The following OTULINL variants were observed in gnomAD, a reference collection of about 807,000 sequenced individuals.
OTULINL encodes the protein inactive ubiquitin thioesterase OTULINL.
Under a neutral mutation model 43.9 loss-of-function variants are expected in OTULINL, and 42 were observed. The observed-to-expected ratio is 0.96, with a 90% confidence interval of 0.75 to 1.24. The LOEUF is 1.24. OTULINL is among the 50% of genes most tolerant of loss of function. OTULINL has a pLI of 0.00. For synonymous variants in OTULINL, 172 were observed against 153.6 expected, an observed-to-expected ratio of 1.12 and a Z score of -0.88; for missense variants, 411 against 426.4, an observed-to-expected ratio of 0.96 and a Z score of 0.32.
At chr5:14,607,882 T>C (rs893976270) in intron 6 of OTULINL, among the ~76,000 whole-genome samples, 6 of 152,220 alleles carry the variant, frequency 3.9e-5, no homozygotes, top group African/African-American at 1.2e-4. Context: ...TTTTGGATGA[T>C]TGAAATGAAT....
intron 6 of OTULINL, among the ~76,000 whole-genome samples, chr5:14,608,114 C>T (rs1759512965): frequency 6.6e-6 from 1 of 152,204 alleles, no homozygotes; most frequent in Non-Finnish European, 1.5e-5. Context: ...CCCATCCATC[C>T]TAAGCAGTTT....
At position 14,608,939 on chromosome 5, in the gene OTULINL, C is replaced by T. The variant is rs1759526783; in HGVS notation, c.819C>T (p.Ser273=). Residue 273 remains serine, a synonymous_variant, in exon 7 of 8, where the codon TCC becomes TCT. Transcript: ENST00000274217. The part of the protein sequence containing the change: ...VIPSLFRLLF[S]RETSSDPLSF... Reference sequence around the variant, plus strand: ...CCAGTCTTTTTAGACTCCTGTTTTCCAGGGAGACATCCTCTGATCCTTTGA... The same window carrying T: ...CCAGTCTTTTTAGACTCCTGTTTTCTAGGGAGACATCCTCTGATCCTTTGA... 1 of 1,614,106 alleles carries T rather than the reference C, an allele frequency of 6.2e-7. No homozygotes were observed. The highest frequency in any genetic ancestry group is 8.5e-7 in the Non-Finnish European group (1 of 1,180,008).
chr5:14,604,290 C>T (rs893469916), intron 5 of OTULINL, among the ~76,000 whole-genome samples: 3 of 152,128 alleles, frequency 2.0e-5, no homozygotes, highest in Non-Finnish European at 4.4e-5. Flanking sequence ...GCTATGATTG[C>T]ACCACTGTAC....
At chr5:14,584,251 G>T (rs1759067211) in intron 1 of OTULINL, among the ~76,000 whole-genome samples, 1 of 152,132 alleles carries the variant, frequency 6.6e-6, no homozygotes, top group Non-Finnish European at 1.5e-5. Context: ...GCTCAGCTCT[G>T]CTGTGGTTCT....
intron 1 of OTULINL, among the ~76,000 whole-genome samples, chr5:14,583,755 G>T (rs1177698715): frequency 6.6e-6 from 1 of 152,154 alleles, no homozygotes; most frequent in Non-Finnish European, 1.5e-5. Flanking sequence ...TGCCAGTGGT[G>T]TTTGGCAAAA....
In OTULINL at chr5:14,614,424, A is replaced by G. The variant is rs1400470087; in HGVS notation, c.*4110A>G. The G allele has an allele frequency of 7.6e-6, 3 of 396,024 alleles. No homozygotes were observed. Among genetic ancestry groups the G allele is most frequent in the African/African-American group, 4.1e-5 (2 of 48,606 alleles). The allele number at this position is 396,024 out of a possible 1,614,324, so 24.5% of individuals were successfully genotyped here. ...CACAATGTCCATTTTACAGCTAGAC[A>G]CAAAATTTAGTGGGTCCAAATTGTT... On this transcript the variant is annotated 3_prime_UTR_variant, in exon 8 of 8. Transcript: ENST00000274217.
chr5:14,596,745 C>G (rs1759294747), intron 1 of OTULINL, among the ~76,000 whole-genome samples: 1 of 152,058 alleles, frequency 6.6e-6, no homozygotes, highest in South Asian at 2.1e-4. Flanking sequence ...AAGTTTATTC[C>G]TGCAGTTCTG....
intron 1 of OTULINL, among the ~76,000 whole-genome samples, chr5:14,590,235 C>G (rs765849938): frequency 9.9e-5 from 15 of 152,140 alleles, no homozygotes; most frequent in Non-Finnish European, 8.8e-5. Flanking sequence ...TGCTATTACT[C>G]TACAGCAGGA....
chr5:14,602,241 A>G lies in OTULINL; in HGVS notation c.407A>G (p.Asp136Gly), dbSNP rs2126781117. The part of the protein sequence containing the change: ...HIKCVRQVRR[D>G]NYDALRSVLF... ...AAATGTGTTCGACAAGTAAGGAGAG[A>G]TAACTATGATGCTCTCAGATCAGTG... Residue 136 changes from aspartate to glycine, a missense_variant, in exon 5 of 8, where the codon GAT becomes GGT. By Grantham distance (94) the Asp-to-Gly change is moderately conservative (BLOSUM62 -1). Transcript: ENST00000274217. 8 of 1,613,606 alleles carry G rather than the reference A, an allele frequency of 5.0e-6. No individual in the cohort carries two copies. The East Asian group carries it at 1.6e-4, about 31-fold the overall frequency.
chr5:14,594,968 T>C (rs1290066056), intron 1 of OTULINL, among the ~76,000 whole-genome samples: 1 of 152,156 alleles, frequency 6.6e-6, no homozygotes, highest in Non-Finnish European at 1.5e-5. Context: ...GTCTGCTAAC[T>C]AACCATAATA....
chr5:14,608,092 T>A (rs1759512695), intron 6 of OTULINL, among the ~76,000 whole-genome samples: 1 of 152,250 alleles, frequency 6.6e-6, no homozygotes, highest in Non-Finnish European at 1.5e-5. Flanking sequence ...CTGTGGAATA[T>A]CCTTTGTGTA....
Position 14,607,187 on chromosome 5 carries a change from G to A in OTULINL, c.499-143G>A, listed in dbSNP as rs943085745. 6.3e-5 allele frequency: 53 copies of A among 841,228 alleles called. 1 individual carries two copies. The African/African-American group carries it at 7.9e-4, about 13-fold the overall frequency. The allele number at this position is 841,228 out of a possible 1,614,324, so 52.1% of individuals were successfully genotyped here. ...GGAGGTTGCAGTAAGCCGAGATCAC[G>A]CCACTGCACTCCAGCCTGGGCAACA... On this transcript the variant is annotated intron_variant, in intron 5 of 7. Transcript: ENST00000274217.
chr5:14,588,731 CTCTT>C (rs1195957953), intron 1 of OTULINL, among the ~76,000 whole-genome samples: 1 of 152,248 alleles, frequency 6.6e-6, no homozygotes, highest in Non-Finnish European at 1.5e-5. Flanking sequence ...TGCTCACTGT[CTCTT>C]TTGGGTACAA....
At chr5:14,590,665 C>T (rs1187639478) in intron 1 of OTULINL, among the ~76,000 whole-genome samples, 2 of 152,142 alleles carry the variant, frequency 1.3e-5, no homozygotes, top group Non-Finnish European at 2.9e-5. Context: ...CTTGACTTCT[C>T]AGTTGGTCCC....
intron 5 of OTULINL, among the ~76,000 whole-genome samples, chr5:14,604,229 G>C (rs1443152160): frequency 6.6e-6 from 1 of 152,156 alleles, no homozygotes; most frequent in Non-Finnish European, 1.5e-5. Context: ...TTACTTTTGG[G>C]AGACTATGAT....
intron 1 of OTULINL, among the ~76,000 whole-genome samples, chr5:14,595,640 C>CTTTTTTT (rs61482298): frequency 3.5e-5 from 2 of 57,110 alleles, no homozygotes; most frequent in African/African-American, 6.3e-5. Flanking sequence ...AAAAACGGTG[C>CTTTTTTT]TTTTTTTTTT....
chr5:14,593,670 A>T (rs925217535), intron 1 of OTULINL, among the ~76,000 whole-genome samples: 3 of 152,242 alleles, frequency 2.0e-5, no homozygotes, highest in Non-Finnish European at 4.4e-5. Flanking sequence ...ACTTACCTTT[A>T]AAATGATGGG....
intron 1 of OTULINL, among the ~76,000 whole-genome samples, chr5:14,587,488 C>G (rs1460753753): frequency 1.3e-5 from 2 of 152,198 alleles, no homozygotes; most frequent in South Asian, 2.1e-4. Flanking sequence ...ACAAAATGAA[C>G]TTGGAGTTTG....
At chr5:14,586,878 A>T (rs1759108706) in intron 1 of OTULINL, among the ~76,000 whole-genome samples, 1 of 151,530 alleles carries the variant, frequency 6.6e-6, no homozygotes, top group Non-Finnish European at 1.5e-5. Context: ...ACTGTTTCAA[A>T]AAAAAAAAAA....
Sources: gnomAD v4.1 joint callset for allele counts (sites outside exome capture counted in the v4.1 genomes callset) on GRCh38, gnomAD v4.1.1 for gene constraint, MANE v1.5 for transcripts, NCBI Gene and HGNC (gene_info 2026-07-23, HGNC 2026-07-21) for gene names.